Variants in RAB6A observed in about 807,000 individuals in gnomAD.
RAB6A encodes RAB6A, member RAS oncogene family.
Under a neutral mutation model 32.3 loss-of-function variants are expected in RAB6A, and 8 were observed. The ratio of observed to expected loss-of-function variants is 0.25; its 90% CI spans 0.15 to 0.45. The LOEUF is 0.45. Among genes scored for constraint, RAB6A ranks in the 20% least tolerant of loss-of-function variants. The pLI, the probability that RAB6A is intolerant of heterozygous loss-of-function variation, is 1.00. For missense variants in RAB6A, 104 were observed against 249.4 expected, an observed-to-expected ratio of 0.42 and a Z score of 3.93; for synonymous variants, 73 against 82.1, an observed-to-expected ratio of 0.89 and a Z score of 0.60.
At chr11:73,724,614 A>G (rs1324523220) in intron 2 of RAB6A, among the ~76,000 whole-genome samples, 3 of 151,654 alleles carry the variant, frequency 2.0e-5, no homozygotes, top group Non-Finnish European at 2.9e-5. Flanking sequence ...AGCCTCCTGA[A>G]TAGCTGGGAC....
chr11:73,686,621 G>A (rs1244866842), intron 6 of RAB6A, among the ~76,000 whole-genome samples: 1 of 152,134 alleles, frequency 6.6e-6, no homozygotes, highest in East Asian at 1.9e-4. Context: ...CTTTTCAAGA[G>A]GGAGGCATAG....
intron 1 of RAB6A, among the ~76,000 whole-genome samples, chr11:73,734,596 T>C (rs908457216): frequency 3.3e-5 from 5 of 152,220 alleles, no homozygotes; most frequent in African/African-American, 4.8e-5. Flanking sequence ...GAAACTGTTC[T>C]ACCTCAGATC....
intron 6 of RAB6A, among the ~76,000 whole-genome samples, chr11:73,686,080 A>G (rs1194529991): frequency 6.6e-6 from 1 of 152,028 alleles, no homozygotes; most frequent in Non-Finnish European, 1.5e-5. Context: ...GAACTATAAA[A>G]AACTGGTGGG....
chr11:73,755,229 C>T (rs1487864178), intron 1 of RAB6A, among the ~76,000 whole-genome samples: 3 of 151,988 alleles, frequency 2.0e-5, no homozygotes, highest in Non-Finnish European at 4.4e-5. Flanking sequence ...CCACGCTCGG[C>T]CCTATTATTT....
At position 73,677,775 on chromosome 11, in the gene RAB6A, T is replaced by C; in HGVS notation, c.*123A>G. 1.3e-6 allele frequency: 2 copies of C among 1,547,306 alleles called. No homozygotes were observed. The highest frequency in any genetic ancestry group is 2.3e-5 in the East Asian group (1 of 44,062). ...ATCTCCACGAGACAGGCAGCAATGATGAATTGCAATACGTTATTACTGAAG... is the reference window on the plus strand; with the variant it reads ...ATCTCCACGAGACAGGCAGCAATGACGAATTGCAATACGTTATTACTGAAG... On this transcript the variant is annotated 3_prime_UTR_variant, in exon 8 of 8. Transcript: ENST00000336083.
At chr11:73,722,305 G>GTATATATA (rs1204770272) in intron 2 of RAB6A, 2 of 42,368 alleles carry the variant, frequency 4.7e-5, no homozygotes, top group African/African-American at 9.9e-5. Context: ...ATGTGTGTGT[G>GTATATATA]TATATATATA....
intron 1 of RAB6A, among the ~76,000 whole-genome samples, chr11:73,733,376 T>C (rs1946346723): frequency 6.6e-6 from 1 of 151,804 alleles, no homozygotes; most frequent in African/African-American, 2.4e-5. Flanking sequence ...TGGCAAAACC[T>C]CATTTCTACT....
At chr11:73,749,078 T>C (rs1007206019) in intron 1 of RAB6A, among the ~76,000 whole-genome samples, 1 of 151,770 alleles carries the variant, frequency 6.6e-6, no homozygotes, top group African/African-American at 2.4e-5. Flanking sequence ...TGAGCCGAGA[T>C]CACGACACTG....
At chr11:73,702,076 C>T (rs4944032) in intron 6 of RAB6A, among the ~76,000 whole-genome samples, 15,213 of 152,224 alleles carry the variant, frequency 0.1, 859 homozygotes, top group South Asian at 0.27. Context: ...ATCAGCAAAG[C>T]GAACAATACA....
chr11:73,710,137 T>G (rs1176097042), intron 5 of RAB6A, among the ~76,000 whole-genome samples: 1 of 142,916 alleles, frequency 7.0e-6, no homozygotes, highest in Non-Finnish European at 1.5e-5. Context: ...TTTTTGTGTT[T>G]TTTTTTTTTT....
rs1047983543 is a variant in RAB6A, at chr11:73,760,805, T to G, written c.-170A>C. ...GAGGGCAGCAGGACTCTCCACAGAC[T>G]GGCAGCCGCCGCCGCCTCCCGGCAG... On this transcript the variant is annotated 5_prime_UTR_variant, in exon 1 of 8. Coordinates refer to ENST00000336083, the MANE Select transcript of RAB6A (RefSeq NM_198896.2). The G allele has an allele frequency of 7.6e-6, 7 of 920,492 alleles. No homozygotes were observed. The African/African-American group carries it at 1.2e-4, about 16-fold the overall frequency. 57.0% of individuals were successfully genotyped at this position (920,492 alleles called of 1,614,324 possible).
At chr11:73,755,253 A>G (rs762078230) in intron 1 of RAB6A, among the ~76,000 whole-genome samples, 4 of 151,718 alleles carry the variant, frequency 2.6e-5, no homozygotes, top group Non-Finnish European at 5.9e-5. Context: ...AACATATTAA[A>G]TATTTTGAAA....
intron 5 of RAB6A, among the ~76,000 whole-genome samples, chr11:73,713,668 T>C (rs948622746): frequency 6.6e-6 from 1 of 152,196 alleles, no homozygotes; most frequent in African/African-American, 2.4e-5. Context: ...TTATCAATCA[T>C]TCCCTTTATG....
At chr11:73,722,305 G>GTATGTGTGTGTGTGTGTGTATA (rs1555061991) in intron 2 of RAB6A, 2 of 42,360 alleles carry the variant, frequency 4.7e-5, no homozygotes, top group Non-Finnish European at 4.4e-5. Context: ...ATGTGTGTGT[G>GTATGTGTGTGTGTGTGTGTATA]TATATATATA....
intron 5 of RAB6A, among the ~76,000 whole-genome samples, chr11:73,714,192 C>A (rs1201438484): frequency 9.5e-4 from 63 of 66,118 alleles, no homozygotes; most frequent in East Asian, 1.7e-3. Flanking sequence ...AACTCCATCT[C>A]AAAAAAAAAA....
intron 7 of RAB6A, among the ~76,000 whole-genome samples, chr11:73,678,951 C>G (rs1945312175): frequency 6.6e-6 from 1 of 152,028 alleles, no homozygotes. Flanking sequence ...GTCTTGAACT[C>G]CCGACCTCAG....
At chr11:73,685,617 G>A (rs1475801407) in intron 6 of RAB6A, among the ~76,000 whole-genome samples, 125 of 10,650 alleles carry the variant, frequency 0.012, no homozygotes, top group African/African-American at 0.028. Flanking sequence ...GGTGCCTCAC[G>A]CCTGTAATCC....
In RAB6A at chr11:73,679,165, C is replaced by G. The variant is rs1035124298; in HGVS notation, c.562+489G>C. ...GGTGAATATGAAACACTGAAAACAT[C>G]AAATTAAAAATCCTTAGAATTAACT... On this transcript the variant is annotated intron_variant, in intron 7 of 7. Coordinates refer to ENST00000336083, the MANE Select transcript of RAB6A (RefSeq NM_198896.2). 7.2e-5 allele frequency among the ~76,000 whole-genome samples: 11 copies of G among 152,272 alleles called. No homozygotes were observed. In the South Asian group the frequency reaches 2.3e-3, roughly 32 times the overall value.
At chr11:73,746,005 AAAAGAAAG>A (rs778450113) in intron 1 of RAB6A, among the ~76,000 whole-genome samples, 1 of 151,902 alleles carries the variant, frequency 6.6e-6, no homozygotes, top group South Asian at 2.1e-4. Context: ...CTCAAAAAAA[AAAAGAAAG>A]AAAGAAATAG....
Sources: allele counts gnomAD v4.1 joint callset (sites outside exome capture counted in the v4.1 genomes callset), GRCh38; gene constraint gnomAD v4.1.1; transcripts MANE v1.5; gene names NCBI Gene and HGNC (gene_info 2026-07-23, HGNC 2026-07-21).